Variants in SORBS2 observed in about 807,000 individuals in gnomAD.
The protein encoded by SORBS2 is sorbin and SH3 domain containing 2, also known as sorbin and SH3 domain-containing protein 2.
A neutral mutation model predicts 97.7 loss-of-function variants in SORBS2; 46 were observed. The ratio of observed to expected loss-of-function variants is 0.47; its 90% CI spans 0.37 to 0.60. The LOEUF is 0.60. Ranked by LOEUF, SORBS2 falls within the 20% of genes least tolerant of loss-of-function variation. The pLI is 0.00. For synonymous variants in SORBS2, 476 were observed against 473.4 expected, an observed-to-expected ratio of 1.01 and a Z score of -0.07; for missense variants, 1,316 against 1,282.3, an observed-to-expected ratio of 1.03 and a Z score of -0.40.
At chr4:185,686,917 T>G (rs11132333) in intron 2 of SORBS2, among the ~76,000 whole-genome samples, 13 of 152,042 alleles carry the variant, frequency 8.6e-5, no homozygotes, top group African/African-American at 2.7e-4. Flanking sequence ...ATGAACTACT[T>G]GCTTGGGGCA....
In SORBS2 at chr4:185,906,031, G is replaced by C. The variant is rs139674283; in HGVS notation, c.-338+50165C>G. ...CAACTGGGGCAGGTCACACCATGTG[G>C]TCCACTCCCATTTTTTTTTTGAGAC... On this transcript the variant is annotated intron_variant, in intron 1 of 20. Transcript: ENST00000284776. Among the ~76,000 whole-genome samples the C allele has an allele frequency of 1.8e-3, 274 of 152,176 alleles. 1 individual carries two copies. Among genetic ancestry groups the C allele is most frequent in the Middle Eastern group, 3.4e-3 (1 of 294 alleles).
chr4:185,763,121 G>A (rs1039115246), intron 2 of SORBS2, among the ~76,000 whole-genome samples: 64 of 152,096 alleles, frequency 4.2e-4, no homozygotes, highest in Non-Finnish European at 1.2e-4. Flanking sequence ...CCCGGGAGGC[G>A]GAGGTTGCAG....
intron 1 of SORBS2, among the ~76,000 whole-genome samples, chr4:185,795,637 T>G (rs1281979558): frequency 6.6e-6 from 1 of 152,248 alleles, no homozygotes. Flanking sequence ...TGTACTAGGT[T>G]AAAAATATTA....
chr4:185,825,134 C>T (rs2099199061), intron 1 of SORBS2, among the ~76,000 whole-genome samples: 2 of 152,126 alleles, frequency 1.3e-5, no homozygotes, highest in Admixed American at 1.3e-4. Flanking sequence ...GTTACTGCAG[C>T]TTTCAAAGGC....
chr4:185,601,791 T>C (rs1310519385), intron 12 of SORBS2, among the ~76,000 whole-genome samples: 1 of 151,960 alleles, frequency 6.6e-6, no homozygotes. Context: ...TGATTTCATG[T>C]TGAAAACCGT....
intron 2 of SORBS2, among the ~76,000 whole-genome samples, chr4:185,762,361 C>G (rs1013094388): frequency 2.0e-5 from 3 of 152,056 alleles, no homozygotes; most frequent in Admixed American, 6.6e-5. Flanking sequence ...AAATGTGAGT[C>G]TGGAACTTTC....
chr4:185,712,200 G>A (rs1006165883), intron 2 of SORBS2, among the ~76,000 whole-genome samples: 3 of 152,082 alleles, frequency 2.0e-5, no homozygotes, highest in African/African-American at 7.2e-5. Flanking sequence ...CCCATCCTGT[G>A]CCCATAAAAA....
At chr4:185,740,111 T>G (rs2098713012) in intron 2 of SORBS2, 1 of 152,646 alleles carries the variant, frequency 6.6e-6, no homozygotes, top group Non-Finnish European at 1.5e-5. Flanking sequence ...AATAATACCC[T>G]TCATTTGCTG....
intron 1 of SORBS2, among the ~76,000 whole-genome samples, chr4:185,907,116 A>T (rs2099251402): frequency 6.6e-6 from 1 of 151,306 alleles, no homozygotes; most frequent in African/African-American, 2.4e-5. Context: ...AGCCTGGGTG[A>T]CAGAGCAAAA....
intron 4 of SORBS2, among the ~76,000 whole-genome samples, chr4:185,665,012 C>T (rs1561783647): frequency 6.6e-6 from 1 of 151,946 alleles, no homozygotes; most frequent in Non-Finnish European, 1.5e-5. Flanking sequence ...TTAGGGATTG[C>T]TTATCACATA....
At chr4:185,840,753 G>A (rs2099210981) in intron 1 of SORBS2, among the ~76,000 whole-genome samples, 1 of 152,134 alleles carries the variant, frequency 6.6e-6, no homozygotes, top group African/African-American at 2.4e-5. Context: ...TTCAACCATT[G>A]CTCTGTGCTT....
upstream of SORBS2, chr4:185,657,316 G>T: frequency 9.6e-7 from 1 of 1,045,788 alleles, no homozygotes; most frequent in Non-Finnish European, 1.3e-6. Flanking sequence ...GGCACGGAGG[G>T]CAATCCTCCT....
At chr4:185,942,386 T>C (rs1295449773) in intron 1 of SORBS2, among the ~76,000 whole-genome samples, 1 of 151,952 alleles carries the variant, frequency 6.6e-6, no homozygotes, top group East Asian at 1.9e-4. Flanking sequence ...AACCTCACTT[T>C]GTCACTCAGT....
chr4:185,936,841 C>A (rs117790121), intron 1 of SORBS2, among the ~76,000 whole-genome samples: 1 of 152,292 alleles, frequency 6.6e-6, no homozygotes, highest in East Asian at 1.9e-4. Flanking sequence ...CTCTCACTAC[C>A]AACAGCACAG....
At chr4:185,952,693 C>G (rs1211786766) in intron 1 of SORBS2, among the ~76,000 whole-genome samples, 3 of 152,194 alleles carry the variant, frequency 2.0e-5, no homozygotes, top group Non-Finnish European at 4.4e-5. Context: ...TGTATGCCGA[C>G]AGCGTTAATT....
intron 1 of SORBS2, among the ~76,000 whole-genome samples, chr4:185,824,972 A>G (rs2099198965): frequency 6.6e-6 from 1 of 152,164 alleles, no homozygotes; most frequent in Non-Finnish European, 1.5e-5. Context: ...GGTTCTCTTC[A>G]GCCATCAGTT....
chr4:185,721,084 C>CTTTGTTTTT (rs2098509622), intron 2 of SORBS2, among the ~76,000 whole-genome samples: 1 of 92,194 alleles, frequency 1.1e-5, no homozygotes, highest in Non-Finnish European at 2.0e-5. Context: ...CCCACCTATT[C>CTTTGTTTTT]TTTTTTTTTT....
At chr4:185,664,101 A>G (rs2097563439) in intron 4 of SORBS2, among the ~76,000 whole-genome samples, 1 of 151,476 alleles carries the variant, frequency 6.6e-6, no homozygotes. Context: ...TGATCCACCC[A>G]CCTCGGCCTC....
At chr4:185,637,552 GT>G (rs2097036411) in intron 4 of SORBS2, among the ~76,000 whole-genome samples, 1 of 152,140 alleles carries the variant, frequency 6.6e-6, no homozygotes, top group Non-Finnish European at 1.5e-5. Flanking sequence ...CAGGCTCTGC[GT>G]TTAACTTCTT....
Sources: allele counts gnomAD v4.1 joint callset (sites outside exome capture counted in the v4.1 genomes callset), GRCh38; gene constraint gnomAD v4.1.1; transcripts MANE v1.5; gene names NCBI Gene and HGNC (gene_info 2026-07-23, HGNC 2026-07-21).